Variants in L3MBTL3 observed in about 807,000 individuals in gnomAD.
L3MBTL3 encodes the protein L3MBTL histone methyl-lysine binding protein 3, also known as lethal(3)malignant brain tumor-like protein 3.
Under a neutral mutation model 102.3 loss-of-function variants are expected in L3MBTL3, and 27 were observed. The ratio of observed to expected loss-of-function variants is 0.26; its 90% CI spans 0.19 to 0.36. The LOEUF is 0.36. Ranked by LOEUF, L3MBTL3 falls within the 10% of genes least tolerant of loss-of-function variation. L3MBTL3 has a pLI of 1.00. For synonymous variants in L3MBTL3, 340 were observed against 320.9 expected, an observed-to-expected ratio of 1.06 and a Z score of -0.64; for missense variants, 798 against 955.3, an observed-to-expected ratio of 0.84 and a Z score of 2.17.
chr6:130,120,017 A>G (rs1419995356), intron 19 of L3MBTL3, among the ~76,000 whole-genome samples: 1 of 152,192 alleles, frequency 6.6e-6, no homozygotes, highest in Non-Finnish European at 1.5e-5. Flanking sequence ...CTGGATCTTT[A>G]AGAAACTCAC....
intron 2 of L3MBTL3, among the ~76,000 whole-genome samples, chr6:130,022,515 T>C (rs572673010): frequency 2.0e-5 from 3 of 152,234 alleles, no homozygotes; most frequent in Non-Finnish European, 4.4e-5. Flanking sequence ...GGATAATCTT[T>C]GTATTGCCTT....
rs1357477901 is a variant in L3MBTL3 at position 130,140,704 on chromosome 6, C to T, written c.*951C>T. ...TACAGAGACTAAGAGCTCATTCTGT[C>T]AACAGAAACACTAATCTGTACAGAG... On this transcript the variant is annotated 3_prime_UTR_variant, in exon 23 of 23. Coordinates refer to ENST00000361794, the MANE Select transcript of L3MBTL3 (RefSeq NM_032438.4). 1 of 152,160 alleles carries T rather than the reference C, an allele frequency of 6.6e-6. No individual in the cohort carries two copies. The highest frequency in any genetic ancestry group is 2.4e-5 in the African/African-American group (1 of 41,428). 9.4% of individuals were successfully genotyped at this position (152,160 alleles called of 1,614,324 possible). A position where few individuals can be genotyped will look rare whatever the true frequency, so the allele number is the denominator to read the frequency against.
At chr6:130,047,277 A>T (rs1003132233) in intron 3 of L3MBTL3, among the ~76,000 whole-genome samples, 1 of 152,188 alleles carries the variant, frequency 6.6e-6, no homozygotes, top group African/African-American at 2.4e-5. Flanking sequence ...GTGACATTGC[A>T]TCTTTACTTT....
At chr6:130,108,309 A>C (rs1424305846) in intron 19 of L3MBTL3, among the ~76,000 whole-genome samples, 2 of 134,100 alleles carry the variant, frequency 1.5e-5, no homozygotes, top group Non-Finnish European at 3.1e-5. Flanking sequence ...ATCTTGGCTC[A>C]CTGCAACCTC....
intron 20 of L3MBTL3, among the ~76,000 whole-genome samples, chr6:130,123,094 TTTATTTAAC>T (rs1786353764): frequency 1.3e-5 from 2 of 152,198 alleles, no homozygotes; most frequent in African/African-American, 4.8e-5. Context: ...TAACTCAGTG[TTTATTTAAC>T]TTTCCATTTT....
rs1223731542 is a variant in L3MBTL3, at chr6:130,087,842, G to GT, written c.1518+1603dup. On this transcript the variant is annotated intron_variant, in intron 16 of 22. Coordinates refer to ENST00000361794, the MANE Select transcript of L3MBTL3 (RefSeq NM_032438.4). ...ACATTATGTTATGATATCTGCTGTT[G>GT]TTTTTTTTTTTACAAGCATACATAT... 2.3e-3 allele frequency among the ~76,000 whole-genome samples: 335 copies of GT among 143,952 alleles called. 1 individual carries two copies. Among genetic ancestry groups the GT allele is most frequent in the African/African-American group, 5.7e-3 (226 of 39,712 alleles). 94.4% of individuals were successfully genotyped at this position (143,952 alleles called of 152,430 possible). A position where few individuals can be genotyped will look rare whatever the true frequency, so the allele number is the denominator to read the frequency against.
rs372226924 is a variant in L3MBTL3, at chr6:130,051,401, A to G, written c.442A>G (p.Lys148Glu). ...YCSQNCARHI[K>E]DKDQKEERDV... is the part of the protein sequence containing the mutation. ...CAGCCAGAATTGTGCTCGGCACATC[A>G]AAGATAAGTAGGTTTTTGCCCCATT... Residue 148 changes from lysine (K) to glutamate (E), a missense_variant, in exon 6 of 23, where the codon AAA (lysine) becomes GAA (glutamate). Physicochemically the swap from Lys to Glu is moderately conservative, Grantham distance 56. Around this residue, in one of 4 missense-constraint regions of L3MBTL3, gnomAD observed 434 missense variants for 506.6 expected, o/e 0.86. Coordinates refer to ENST00000361794, the MANE Select transcript of L3MBTL3 (RefSeq NM_032438.4). 8.1e-6 allele frequency: 13 copies of G among 1,612,772 alleles called. No individual in the cohort carries two copies. The African/African-American group carries it at 1.7e-4, about 22-fold the overall frequency.
intron 16 of L3MBTL3, among the ~76,000 whole-genome samples, chr6:130,089,390 A>G (rs1002454995): frequency 3.3e-5 from 5 of 152,172 alleles, no homozygotes; most frequent in Non-Finnish European, 5.9e-5. Context: ...TGCAGAAGAC[A>G]TGAACTCATC....
intron 3 of L3MBTL3, among the ~76,000 whole-genome samples, chr6:130,043,009 T>A (rs1204428190): frequency 4.6e-5 from 7 of 151,990 alleles, no homozygotes; most frequent in African/African-American, 7.3e-5. Context: ...ATAAGGGGAG[T>A]AAGGAATGTT....
intron 19 of L3MBTL3, among the ~76,000 whole-genome samples, chr6:130,105,806 G>A (rs1373317453): frequency 6.6e-6 from 1 of 152,104 alleles, no homozygotes; most frequent in African/African-American, 2.4e-5. Flanking sequence ...ACTCAGAAGG[G>A]TTGGTAGTGC....
At chr6:130,122,720 T>C (rs1378542524) in intron 20 of L3MBTL3, among the ~76,000 whole-genome samples, 2 of 152,230 alleles carry the variant, frequency 1.3e-5, no homozygotes, top group Non-Finnish European at 2.9e-5. Context: ...GGCCTTTCTT[T>C]GTGAATGGTG....
At chr6:130,033,757 G>C (rs893240056) in intron 2 of L3MBTL3, among the ~76,000 whole-genome samples, 1 of 152,154 alleles carries the variant, frequency 6.6e-6, no homozygotes, top group Admixed American at 6.5e-5. Context: ...TTTGAAAAAT[G>C]TACTTGTTAA....
intron 1 of L3MBTL3, chr6:130,019,481 A>T (rs1778794194): frequency 6.6e-6 from 1 of 151,790 alleles, no homozygotes. Flanking sequence ...AGACCGAGGC[A>T]GTGGGAAAAG....
chr6:130,025,546 G>A (rs1196417537), intron 2 of L3MBTL3, among the ~76,000 whole-genome samples: 2 of 152,184 alleles, frequency 1.3e-5, no homozygotes, highest in Non-Finnish European at 2.9e-5. Context: ...CCATTTGGGA[G>A]ACAAGATAGT....
At chr6:130,103,421 G>A (rs1471312898) in intron 18 of L3MBTL3, among the ~76,000 whole-genome samples, 2 of 152,106 alleles carry the variant, frequency 1.3e-5, no homozygotes, top group Non-Finnish European at 2.9e-5. Context: ...CCTTTTCCTA[G>A]GAGGGTGTAT....
chr6:130,107,969 A>G (rs1785090205), intron 19 of L3MBTL3, among the ~76,000 whole-genome samples: 1 of 152,196 alleles, frequency 6.6e-6, no homozygotes, highest in South Asian at 2.1e-4. Context: ...CAGCACAGCA[A>G]GAGCAACACC....
chr6:130,051,140 C>T lies in L3MBTL3; in HGVS notation c.290-109C>T, dbSNP rs548636113. The T allele has an allele frequency of 5.2e-5, 45 of 857,236 alleles. No individual in the cohort carries two copies. In the East Asian group the frequency reaches 1.2e-3, roughly 22 times the overall value. The allele number at this position is 857,236 out of a possible 1,614,324, so 53.1% of individuals were successfully genotyped here. ...TGATCATTCATTCATTCAGCAAACA[C>T]TATTCTTTATTGTGTTGCTAACAAA... On this transcript the variant is annotated intron_variant, in intron 5 of 22. Transcript: ENST00000361794.
intron 12 of L3MBTL3, 116 bp downstream of exon 12, chr6:130,068,537 G>A (rs1488592754): frequency 1.0e-5 from 6 of 593,902 alleles, no homozygotes; most frequent in Non-Finnish European, 1.8e-5. Flanking sequence ...TTGGTAAATA[G>A]AGTACTCTTA....
intron 19 of L3MBTL3, among the ~76,000 whole-genome samples, chr6:130,115,029 C>T (rs2115441530): frequency 6.7e-6 from 1 of 148,284 alleles, no homozygotes; most frequent in African/African-American, 2.5e-5. Flanking sequence ...TAAGTCACAG[C>T]TCAGAAACTT....
Sources: gnomAD v4.1 joint callset for allele counts (sites outside exome capture counted in the v4.1 genomes callset) on GRCh38, gnomAD v4.1.1 for gene constraint, gnomAD v4.1.1 regional missense constraint, MANE v1.5 for transcripts, NCBI Gene and HGNC (gene_info 2026-07-23, HGNC 2026-07-21) for gene names.